The following SPOCK1 variants were observed in gnomAD, a reference collection of about 807,000 sequenced individuals.
SPOCK1 encodes the protein testican-1.
SPOCK1 carries 23 observed loss-of-function variants against 55.3 expected under a neutral mutation model. The ratio of observed to expected loss-of-function variants is 0.42; its 90% CI spans 0.30 to 0.59. SPOCK1 has a LOEUF of 0.59. Ranked by LOEUF, SPOCK1 falls within the 20% of genes least tolerant of loss-of-function variation. The pLI, the probability that SPOCK1 is intolerant of heterozygous loss-of-function variation, is 0.22. For missense variants in SPOCK1, 499 were observed against 552.5 expected (o/e 0.90, Z 0.97); for synonymous variants, 226 against 221.0 (o/e 1.02, Z -0.20).
rs1177622346 is a variant in SPOCK1 at position 137,498,466 on chromosome 5, C to T, written c.93G>A (p.Ala31=). 8.7e-6 allele frequency: 14 copies of T among 1,607,616 alleles called. No homozygotes were observed. The highest frequency in any genetic ancestry group is 1.1e-5 in the Non-Finnish European group (13 of 1,178,204). Residue 31 remains alanine, a synonymous_variant, in exon 2 of 11, where the codon GCG becomes GCA. Coordinates refer to ENST00000394945, the MANE Select transcript of SPOCK1 (RefSeq NM_004598.4). ...SRHLDALAGG[A]GPNHGNFLDN... ...CTAGGAAATTGCCGTGGTTGGGGCCCGCGCCTCCGGCGAGCGCGTCCAGGT... is the reference window on the plus strand; with the variant it reads ...CTAGGAAATTGCCGTGGTTGGGGCCTGCGCCTCCGGCGAGCGCGTCCAGGT...
intron 3 of SPOCK1, among the ~76,000 whole-genome samples, chr5:137,233,226 C>T (rs1449637623): frequency 1.3e-5 from 2 of 152,150 alleles, no homozygotes; most frequent in South Asian, 2.1e-4. Flanking sequence ...TTATTACATA[C>T]ATATGAAATA....
intron 6 of SPOCK1, among the ~76,000 whole-genome samples, chr5:137,004,998 T>A (rs1751218694): frequency 6.6e-6 from 1 of 152,200 alleles, no homozygotes; most frequent in Non-Finnish European, 1.5e-5. Context: ...GCAGCAGATC[T>A]CAGAGAGCAT....
Position 137,379,887 on chromosome 5 carries a change from T to C in SPOCK1, c.187-112832A>G, listed in dbSNP as rs560124065. Among the ~76,000 whole-genome samples the C allele has an allele frequency of 1.4e-4, 21 of 152,334 alleles. No individual in the cohort carries two copies. In the South Asian group the frequency reaches 3.9e-3, roughly 29 times the overall value. On this transcript the variant is annotated intron_variant, in intron 2 of 10. Transcript: ENST00000394945. ...AAGTCATTCAGACCTTAGGGGTGCA[T>C]TAATTCATGAGCCCCCGTGGTGATA...
chr5:137,332,572 T>C (rs1758206705), intron 2 of SPOCK1, among the ~76,000 whole-genome samples: 1 of 152,220 alleles, frequency 6.6e-6, no homozygotes, highest in Admixed American at 6.5e-5. Flanking sequence ...TGGATGCTTC[T>C]CCACTTCTAT....
intron 2 of SPOCK1, among the ~76,000 whole-genome samples, chr5:137,446,194 T>C (rs1277526029): frequency 6.6e-6 from 1 of 152,198 alleles, no homozygotes; most frequent in Non-Finnish European, 1.5e-5. Context: ...TCAAATGATA[T>C]GGAAAAATAA....
chr5:137,144,418 C>T (rs1334416056), intron 3 of SPOCK1, among the ~76,000 whole-genome samples: 1 of 152,182 alleles, frequency 6.6e-6, no homozygotes, highest in Non-Finnish European at 1.5e-5. Flanking sequence ...ATACAGAAAT[C>T]AAGTCTGCTA....
At chr5:137,170,720 C>T (rs1754740799) in intron 3 of SPOCK1, among the ~76,000 whole-genome samples, 1 of 151,998 alleles carries the variant, frequency 6.6e-6, no homozygotes, top group African/African-American at 2.4e-5. Flanking sequence ...ATGCTGCCTC[C>T]CTGATCTCAA....
At chr5:137,074,552 T>C (rs1355902091) in intron 5 of SPOCK1, among the ~76,000 whole-genome samples, 1 of 152,220 alleles carries the variant, frequency 6.6e-6, no homozygotes, top group Non-Finnish European at 1.5e-5. Flanking sequence ...GTTTCGCTCT[T>C]ATTGCCCAGG....
chr5:137,020,505 G>T (rs550144944), intron 6 of SPOCK1, among the ~76,000 whole-genome samples: 1 of 151,952 alleles, frequency 6.6e-6, no homozygotes, highest in African/African-American at 2.4e-5. Context: ...CTTCAAGGTC[G>T]GGAAGGATTT....
chr5:137,001,003 A>T (rs1751137990), intron 6 of SPOCK1, among the ~76,000 whole-genome samples: 1 of 152,232 alleles, frequency 6.6e-6, no homozygotes, highest in African/African-American at 2.4e-5. Context: ...ACTCCGTCTC[A>T]AAAAATAAAT....
At chr5:137,330,167 C>T (rs1271490606) in intron 2 of SPOCK1, among the ~76,000 whole-genome samples, 1 of 152,152 alleles carries the variant, frequency 6.6e-6, no homozygotes, top group Non-Finnish European at 1.5e-5. Flanking sequence ...TATTTATGTT[C>T]CTGCCACTTT....
intron 2 of SPOCK1, among the ~76,000 whole-genome samples, chr5:137,302,879 A>G (rs942350174): frequency 1.3e-5 from 2 of 152,154 alleles, no homozygotes; most frequent in Admixed American, 6.5e-5. Context: ...ATTCATTTCC[A>G]CAATAGTATT....
At chr5:137,294,178 C>T (rs979404648) in intron 2 of SPOCK1, among the ~76,000 whole-genome samples, 2 of 152,086 alleles carry the variant, frequency 1.3e-5, no homozygotes, top group African/African-American at 4.8e-5. Flanking sequence ...CTTTTGGCTT[C>T]TTTATCGAAC....
chr5:137,253,592 T>C lies in SPOCK1; in HGVS notation c.232+13418A>G, dbSNP rs561694232. ...TCTCTGTCCTCATCCAGTGTTCAAT[T>C]TCCCCGACATCAAACCAGCCATGTG... On this transcript the variant is annotated intron_variant, in intron 3 of 10. Coordinates refer to ENST00000394945, the MANE Select transcript of SPOCK1 (RefSeq NM_004598.4). 6.6e-5 allele frequency among the ~76,000 whole-genome samples: 10 copies of C among 152,308 alleles called. No homozygotes were observed. In the South Asian group the frequency reaches 2.1e-3, roughly 32 times the overall value.
intron 3 of SPOCK1, among the ~76,000 whole-genome samples, chr5:137,179,751 G>A (rs904400006): frequency 6.6e-6 from 1 of 152,148 alleles, no homozygotes; most frequent in African/African-American, 2.4e-5. Flanking sequence ...CCAGTCATGA[G>A]ACTTGGGGCA....
Position 136,987,337 on chromosome 5 carries a change from A to G in SPOCK1, c.928+1085T>C, listed in dbSNP as rs948708335. 8.5e-5 allele frequency among the ~76,000 whole-genome samples: 13 copies of G among 152,184 alleles called. 1 individual carries two copies. Among genetic ancestry groups the G allele is most frequent in the African/African-American group, 2.9e-4 (12 of 41,438 alleles). The stretch of plus-strand genomic sequence containing the variant: ...AAAGTTCCAATTTCCTTAAAAAACA[A>G]ACACACAAGAACCTGATAGAAAAAA... On this transcript the variant is annotated intron_variant, in intron 8 of 10. Coordinates refer to ENST00000394945, the MANE Select transcript of SPOCK1 (RefSeq NM_004598.4).
chr5:136,985,020 C>T, intron 9 of SPOCK1, 120 bp downstream of exon 9: 1 of 1,043,896 alleles, frequency 9.6e-7, no homozygotes. Flanking sequence ...GGGGTTAAAA[C>T]AAGGCATTTC....
At chr5:137,219,224 C>T (rs1755799950) in intron 3 of SPOCK1, among the ~76,000 whole-genome samples, 1 of 152,204 alleles carries the variant, frequency 6.6e-6, no homozygotes, top group Non-Finnish European at 1.5e-5. Flanking sequence ...TGACAAAAAT[C>T]ACTCATTTAA....
intron 6 of SPOCK1, among the ~76,000 whole-genome samples, chr5:137,002,438 T>A (rs1751170011): frequency 6.6e-6 from 1 of 151,788 alleles, no homozygotes; most frequent in Non-Finnish European, 1.5e-5. Flanking sequence ...AATAAGCTTT[T>A]AAAGCTTCTG....
Sources: allele counts gnomAD v4.1 joint callset (sites outside exome capture counted in the v4.1 genomes callset), GRCh38; gene constraint gnomAD v4.1.1; transcripts MANE v1.5; gene names NCBI Gene and HGNC (gene_info 2026-07-23, HGNC 2026-07-21).